The following SEZ6L variants were observed in gnomAD, a reference collection of about 807,000 sequenced individuals.
SEZ6L encodes the protein seizure 6-like protein.
A neutral mutation model predicts 106.2 loss-of-function variants in SEZ6L; 37 were observed. The observed-to-expected ratio is 0.35, with a 90% CI of 0.27 to 0.46. The LOEUF (loss-of-function observed/expected upper bound fraction) is 0.46, where lower values mean the gene tolerates loss of function less well. Among genes scored for constraint, SEZ6L ranks in the 20% least tolerant of loss-of-function variants. The pLI, the probability that SEZ6L is intolerant of heterozygous loss-of-function variation, is 1.00. For synonymous variants in SEZ6L, 541 were observed against 570.4 expected, an observed-to-expected ratio of 0.95 and a Z score of 0.73; for missense variants, 1,172 against 1,332.8, an observed-to-expected ratio of 0.88 and a Z score of 1.88.
intron 1 of SEZ6L, among the ~76,000 whole-genome samples, chr22:26,187,823 T>C (rs1939885726): frequency 6.6e-6 from 1 of 152,180 alleles, no homozygotes; most frequent in Admixed American, 6.5e-5. Flanking sequence ...ATTTATAATA[T>C]AGCTGAACTA....
intron 1 of SEZ6L, among the ~76,000 whole-genome samples, chr22:26,178,581 C>A (rs1348865521): frequency 6.6e-6 from 1 of 152,144 alleles, no homozygotes; most frequent in Non-Finnish European, 1.5e-5. Context: ...GAGCTCAGGA[C>A]AAGTCTTAGT....
chr22:26,314,095 CAGAGAG>C (rs796066126), intron 9 of SEZ6L, among the ~76,000 whole-genome samples, 193 bp downstream of exon 9: 1 of 136,224 alleles, frequency 7.3e-6, no homozygotes, highest in Non-Finnish European at 1.6e-5. Flanking sequence ...CACACACACA[CAGAGAG>C]AGAGAGAGAG....
chr22:26,354,251 T>C (rs1322962728), intron 12 of SEZ6L, among the ~76,000 whole-genome samples: 1 of 152,226 alleles, frequency 6.6e-6, no homozygotes, highest in Non-Finnish European at 1.5e-5. Context: ...AAGATGGGTG[T>C]TGATCCAATG....
At chr22:26,314,371 C>T (rs1370712220) in intron 9 of SEZ6L, among the ~76,000 whole-genome samples, 2 of 152,180 alleles carry the variant, frequency 1.3e-5, no homozygotes, top group Non-Finnish European at 2.9e-5. Context: ...TGCAAAGGCC[C>T]TGTGGCAAGC....
intron 1 of SEZ6L, among the ~76,000 whole-genome samples, chr22:26,259,389 G>A (rs1262072660): frequency 1.3e-5 from 2 of 152,202 alleles, no homozygotes; most frequent in Non-Finnish European, 2.9e-5. Flanking sequence ...AATCTGAGGA[G>A]GAGAGAAAGG....
At chr22:26,306,710 A>G (rs1447198057) in intron 6 of SEZ6L, among the ~76,000 whole-genome samples, 1 of 152,226 alleles carries the variant, frequency 6.6e-6, no homozygotes, top group African/African-American at 2.4e-5. Flanking sequence ...CTGCAGTATT[A>G]TTCTAGAATA....
chr22:26,276,767 G>C (rs904974097), intron 1 of SEZ6L, among the ~76,000 whole-genome samples: 6 of 152,300 alleles, frequency 3.9e-5, no homozygotes, highest in Non-Finnish European at 8.8e-5. Flanking sequence ...CGAAAGCAGT[G>C]GGGGTTCATG....
At chr22:26,177,622 G>C (rs1471034450) in intron 1 of SEZ6L, among the ~76,000 whole-genome samples, 5 of 152,140 alleles carry the variant, frequency 3.3e-5, no homozygotes, top group South Asian at 2.1e-4. Flanking sequence ...CCAGGCTCTA[G>C]AGTCAGAGCA....
chr22:26,368,787 T>C (rs963080641), intron 13 of SEZ6L, among the ~76,000 whole-genome samples: 2 of 152,094 alleles, frequency 1.3e-5, no homozygotes, highest in African/African-American at 4.8e-5. Context: ...TGTTAAGTCT[T>C]ATGACCACTG....
At chr22:26,266,277 G>T (rs1412583941) in intron 1 of SEZ6L, among the ~76,000 whole-genome samples, 1 of 149,624 alleles carries the variant, frequency 6.7e-6, no homozygotes, top group African/African-American at 2.5e-5. Context: ...AAAATAAAAA[G>T]CAGCTGGGCA....
chr22:26,369,235 T>A (rs2083921176), intron 13 of SEZ6L, among the ~76,000 whole-genome samples: 1 of 151,604 alleles, frequency 6.6e-6, no homozygotes, highest in Non-Finnish European at 1.5e-5. Context: ...GTGAATTGTA[T>A]CATCAGCCAA....
At position 26,382,536 on chromosome 22, in the gene SEZ6L, G is replaced by A. The variant is rs1249287997; in HGVS notation, c.*2241G>A. 1 of 152,578 alleles carries A rather than the reference G, an allele frequency of 6.6e-6. No homozygotes were observed. The highest frequency in any genetic ancestry group is 1.5e-5 in the Non-Finnish European group (1 of 68,416). 9.5% of individuals were successfully genotyped at this position (152,578 alleles called of 1,614,324 possible). On this transcript the variant is annotated 3_prime_UTR_variant, in exon 17 of 17. Coordinates refer to ENST00000248933, the MANE Select transcript of SEZ6L (RefSeq NM_021115.5). ...TTGTGTTTTTTGTTTTTTTGTTGTT[G>A]TTGTCATTGTTGTTTTTTTCAGAAG...
At chr22:26,237,649 C>T (rs2078993357) in intron 1 of SEZ6L, among the ~76,000 whole-genome samples, 1 of 152,210 alleles carries the variant, frequency 6.6e-6, no homozygotes, top group African/African-American at 2.4e-5. Context: ...TTCACCAATA[C>T]AGTGTGGAAG....
intron 9 of SEZ6L, among the ~76,000 whole-genome samples, chr22:26,334,750 C>T (rs1434546212): frequency 6.6e-6 from 1 of 152,162 alleles, no homozygotes; most frequent in African/African-American, 2.4e-5. Flanking sequence ...CTGCCAGGAG[C>T]TCACACTTTG....
chr22:26,289,815 T>C (rs2081052223), intron 1 of SEZ6L, among the ~76,000 whole-genome samples: 1 of 152,356 alleles, frequency 6.6e-6, no homozygotes, highest in Admixed American at 6.5e-5. Flanking sequence ...CTGGAGACTG[T>C]AGCTGAGTGA....
intron 9 of SEZ6L, among the ~76,000 whole-genome samples, chr22:26,338,879 T>TC: frequency 7.2e-6 from 1 of 139,170 alleles, no homozygotes; most frequent in African/African-American, 2.7e-5. Flanking sequence ...TTTTTTTTTT[T>TC]TTTTTGTAGA....
At chr22:26,263,507 T>G (rs2080083719) in intron 1 of SEZ6L, among the ~76,000 whole-genome samples, 1 of 152,242 alleles carries the variant, frequency 6.6e-6, no homozygotes, top group South Asian at 2.1e-4. Context: ...GTTCTGTGAC[T>G]CCAAAATCCA....
chr22:26,333,867 G>T (rs1302788248), intron 9 of SEZ6L, among the ~76,000 whole-genome samples: 1 of 152,154 alleles, frequency 6.6e-6, no homozygotes, highest in Non-Finnish European at 1.5e-5. Flanking sequence ...AGTTTCCCAG[G>T]TGGAGAATTC....
chr22:26,232,643 T>A (rs1211548927), intron 1 of SEZ6L, among the ~76,000 whole-genome samples: 1 of 152,256 alleles, frequency 6.6e-6, no homozygotes, highest in African/African-American at 2.4e-5. Context: ...TGCAATTACA[T>A]GCTGTACAGG....
Sources: allele counts gnomAD v4.1 joint callset (sites outside exome capture counted in the v4.1 genomes callset), GRCh38; gene constraint gnomAD v4.1.1; transcripts MANE v1.5; gene names NCBI Gene and HGNC (gene_info 2026-07-23, HGNC 2026-07-21).